Variants in ZFAND4 observed in about 807,000 individuals in gnomAD.
The protein encoded by ZFAND4 is AN1-type zinc finger protein 4.
In ZFAND4, 43 loss-of-function variants were observed where a neutral mutation model predicts 64.4. The observed-to-expected ratio is 0.67, with a 90% CI of 0.52 to 0.86. The LOEUF (loss-of-function observed/expected upper bound fraction) is 0.86, where lower values mean the gene tolerates loss of function less well. Ranked by LOEUF, ZFAND4 falls within the 40% of genes least tolerant of loss-of-function variation. The probability of loss-of-function intolerance (pLI) is 0.00; values close to 1 mark genes in which losing one functional copy is unlikely to be tolerated. For missense variants in ZFAND4, 929 were observed against 859.8 expected, an observed-to-expected ratio of 1.08 and a Z score of -1.01; for synonymous variants, 296 against 305.7, an observed-to-expected ratio of 0.97 and a Z score of 0.33.
In ZFAND4 at chr10:45,626,423, T is replaced by C. The variant is rs1230499193; in HGVS notation, c.1400A>G (p.His467Arg). Residue 467 changes from histidine to arginine, a missense_variant, in exon 7 of 10, where the codon CAC becomes CGC. His to Arg is a conservative substitution (Grantham distance 29). Coordinates refer to ENST00000344646, the MANE Select transcript of ZFAND4 (RefSeq NM_174890.4). ...AAGAGGTGACAAGAGTCTATTCTTG[T>C]GAGGACTTAATTCCCGGTAGTTAAG... ...SVLNYRELSP[H>R]KNRLLSPLRC... 2 of 1,614,002 alleles carry C rather than the reference T, an allele frequency of 1.2e-6. No homozygotes were observed. The highest frequency in any genetic ancestry group is 1.7e-6 in the Non-Finnish European group (2 of 1,180,032).
intron 2 of ZFAND4, 69 bp downstream of exon 2, chr10:45,663,473 A>T: frequency 8.0e-7 from 1 of 1,247,710 alleles, no homozygotes; most frequent in Non-Finnish European, 1.1e-6. Context: ...AAAATACTTT[A>T]AAAACTACTA....
Position 45,616,314 on chromosome 10 carries a change from C to G in ZFAND4, c.*122G>C. On this transcript the variant is annotated 3_prime_UTR_variant, in exon 10 of 10. Coordinates refer to ENST00000344646, the MANE Select transcript of ZFAND4 (RefSeq NM_174890.4). ...AGCATTCTTGTTCTCCAACAGTATG[C>G]ATTGTATGCTTTTGTTATTTGGCAA... 3 of 1,257,938 alleles carry G rather than the reference C, an allele frequency of 2.4e-6. No individual in the cohort carries two copies. Among genetic ancestry groups the G allele is most frequent in the South Asian group, 3.0e-5 (2 of 66,666 alleles). 77.9% of individuals were successfully genotyped at this position (1,257,938 alleles called of 1,614,324 possible).
In ZFAND4 at chr10:45,616,369, C is replaced by CTA; in HGVS notation, c.*65_*66dup. 1 of 1,576,084 alleles carries CTA rather than the reference C, an allele frequency of 6.3e-7. No individual in the cohort carries two copies. The highest frequency in any genetic ancestry group is 8.6e-7 in the Non-Finnish European group (1 of 1,161,676). ...TTTAGAGTCGAACAAAAATAATAGT[C>CTA]TAAACAACATTTCTTCTGTCATTAT... is the stretch of plus-strand genomic sequence containing the variant. On this transcript the variant is annotated 3_prime_UTR_variant, in exon 10 of 10. Coordinates refer to ENST00000344646, the MANE Select transcript of ZFAND4 (RefSeq NM_174890.4).
chr10:45,648,300 C>G lies in ZFAND4; in HGVS notation c.563G>C (p.Arg188Pro), dbSNP rs769933468. 6.2e-7 allele frequency: 1 copy of G among 1,606,240 alleles called. No individual in the cohort carries two copies. The highest frequency in any genetic ancestry group is 1.3e-5 in the African/African-American group (1 of 74,594). Residue 188 changes from arginine to proline, a missense_variant, in exon 5 of 10, where the codon CGT becomes CCT. By Grantham distance (103) the Arg-to-Pro change is moderately radical (BLOSUM62 -2). Coordinates refer to ENST00000344646, the MANE Select transcript of ZFAND4 (RefSeq NM_174890.4). ...LHVLRRKGEH[R>P]MSGGSMYNSD... Reference sequence around the variant, plus strand: ...ACAAAAGTTTATGGAGTACCTCATACGATGTTCTCCTTTTCTCCGTAGGAC... The same window carrying G: ...ACAAAAGTTTATGGAGTACCTCATAGGATGTTCTCCTTTTCTCCGTAGGAC...
intron 5 of ZFAND4, chr10:45,640,497 ATT>A: frequency 9.9e-7 from 1 of 1,009,246 alleles, no homozygotes; most frequent in Non-Finnish European, 1.3e-6. Flanking sequence ...AGCAAAAAAC[ATT>A]TTTTTTTTCT....
intron 4 of ZFAND4, chr10:45,648,845 T>C: frequency 1.4e-6 from 1 of 717,168 alleles, no homozygotes. Flanking sequence ...CTAGAGTCTG[T>C]GTATTTGCTG....
intron 8 of ZFAND4, among the ~76,000 whole-genome samples, chr10:45,621,746 AAAAC>A (rs979787606): frequency 4.6e-5 from 7 of 152,276 alleles, no homozygotes; most frequent in East Asian, 1.9e-4. Flanking sequence ...CACCTCACAA[AAAAC>A]AAACAAACAA....
At chr10:45,653,568 A>G (rs533124765) in intron 2 of ZFAND4, among the ~76,000 whole-genome samples, 2 of 152,344 alleles carry the variant, frequency 1.3e-5, no homozygotes, top group Admixed American at 1.3e-4. Flanking sequence ...TATATTTAAA[A>G]AGCTCAACAT....
At chr10:45,659,300 C>T (rs1329237122) in intron 2 of ZFAND4, among the ~76,000 whole-genome samples, 1 of 152,142 alleles carries the variant, frequency 6.6e-6, no homozygotes, top group South Asian at 2.1e-4. Flanking sequence ...TACCTCACCA[C>T]CACACTAACA....
rs1016938743 is a variant in ZFAND4, at chr10:45,626,342, G to T, written c.1481C>A (p.Ser494Tyr). 6.2e-7 allele frequency: 1 copy of T among 1,614,170 alleles called. No individual in the cohort carries two copies. The highest frequency in any genetic ancestry group is 8.5e-7 in the Non-Finnish European group (1 of 1,180,042). Reference protein sequence around the residue: ...HNSLVKPERQSKCFEFGKLQP... With the variant: ...HNSLVKPERQYKCFEFGKLQP... The stretch of plus-strand genomic sequence containing the variant: ...TAGCTTCCCAAACTCAAAACATTTG[G>T]ACTGTCTCTCTGGTTTCACCAGAGA... The change falls in exon 7 of 10, where the codon TCC (serine) becomes TAC (tyrosine). Residue 494 changes from serine (S) to tyrosine (Y), a missense_variant. Physicochemically the swap from Ser to Tyr is moderately radical, Grantham distance 144. Coordinates refer to ENST00000344646, the MANE Select transcript of ZFAND4 (RefSeq NM_174890.4).
At chr10:45,660,249 G>T (rs1165984923) in intron 2 of ZFAND4, among the ~76,000 whole-genome samples, 1 of 151,988 alleles carries the variant, frequency 6.6e-6, no homozygotes, top group Non-Finnish European at 1.5e-5. Flanking sequence ...TACTTGAAAG[G>T]CTGAGGCACA....
At chr10:45,623,662 T>A (rs1033018911) in intron 8 of ZFAND4, among the ~76,000 whole-genome samples, 1 of 152,142 alleles carries the variant, frequency 6.6e-6, no homozygotes. Flanking sequence ...GGGAAGAGTG[T>A]TTCAGTTTTG....
chr10:45,651,934 G>A, intron 4 of ZFAND4, 32 bp downstream of exon 4: 1 of 1,585,686 alleles, frequency 6.3e-7, no homozygotes, highest in Non-Finnish European at 8.7e-7. Flanking sequence ...GAATGTTACT[G>A]TCAAATTGCT....
At chr10:45,658,352 C>T (rs1171897822) in intron 2 of ZFAND4, among the ~76,000 whole-genome samples, 2 of 152,168 alleles carry the variant, frequency 1.3e-5, no homozygotes, top group African/African-American at 2.4e-5. Context: ...GGGTGAAAGG[C>T]ATGTGACAGA....
intron 6 of ZFAND4, among the ~76,000 whole-genome samples, chr10:45,634,967 A>C (rs1215261399): frequency 6.6e-6 from 1 of 152,044 alleles, no homozygotes; most frequent in African/African-American, 2.4e-5. Context: ...AAAGATCTCT[A>C]TAATGAAAGC....
At chr10:45,667,968 G>A (rs993871264) in intron 1 of ZFAND4, among the ~76,000 whole-genome samples, 3 of 152,100 alleles carry the variant, frequency 2.0e-5, no homozygotes, top group African/African-American at 7.2e-5. Context: ...TGCTTTAGGT[G>A]GGTTTTCTTT....
chr10:45,626,210 G>A lies in ZFAND4; in HGVS notation c.1613C>T (p.Ser538Phe), dbSNP rs370441734. The stretch of plus-strand genomic sequence containing the variant: ...AGCCTCAACTTTGGAAATAACATCA[G>A]ATCTTTTCCCAAGTGAATCAACTTT... ...GVKVDSLGKR[S>F]DVISKVEARD... Residue 538 changes from serine (S) to phenylalanine (F), a missense_variant, in exon 7 of 10, where the codon TCT becomes TTT. Physicochemically the swap from Ser to Phe is radical, Grantham distance 155 (BLOSUM62 -2). Coordinates refer to ENST00000344646, the MANE Select transcript of ZFAND4 (RefSeq NM_174890.4). 4 of 1,614,132 alleles carry A rather than the reference G, an allele frequency of 2.5e-6. No homozygotes were observed. The highest frequency in any genetic ancestry group is 3.4e-6 in the Non-Finnish European group (4 of 1,180,028).
chr10:45,635,214 C>CAAAAAA (rs76130878), intron 6 of ZFAND4, among the ~76,000 whole-genome samples: 3 of 68,286 alleles, frequency 4.4e-5, no homozygotes, highest in Admixed American at 1.6e-4. Context: ...AAAAAAAAAA[C>CAAAAAA]AAAAAAAAAA....
chr10:45,615,830 C>A lies in ZFAND4; in HGVS notation c.*606G>T, dbSNP rs886460148. ...TATAGAATGGATTCATGTCCGAATA[C>A]TAATCTGAATGTGGAAGAAATGTAT... On this transcript the variant is annotated 3_prime_UTR_variant, in exon 10 of 10. Coordinates refer to ENST00000344646, the MANE Select transcript of ZFAND4 (RefSeq NM_174890.4). 1.3e-5 allele frequency: 2 copies of A among 152,004 alleles called. No homozygotes were observed. The highest frequency in any genetic ancestry group is 2.9e-5 in the Non-Finnish European group (2 of 67,996). The allele number at this position is 152,004 out of a possible 1,614,324, so 9.4% of individuals were successfully genotyped here.
Sources: gnomAD v4.1 joint callset for allele counts (sites outside exome capture counted in the v4.1 genomes callset) on GRCh38, gnomAD v4.1.1 for gene constraint, MANE v1.5 for transcripts, NCBI Gene and HGNC (gene_info 2026-07-23, HGNC 2026-07-21) for gene names.